The following DACH1 variants were observed in gnomAD, a reference collection of about 807,000 sequenced individuals.
The protein encoded by DACH1 is dachshund family transcription factor 1.
DACH1 carries 12 observed loss-of-function variants against 54.2 expected under a neutral mutation model. That is an observed-to-expected ratio of 0.22 (90% CI 0.14 to 0.36). The LOEUF (loss-of-function observed/expected upper bound fraction) is 0.36, where lower values mean the gene tolerates loss of function less well. Among genes scored for constraint, DACH1 ranks in the 10% least tolerant of loss-of-function variants. The probability of loss-of-function intolerance (pLI) is 1.00; values close to 1 mark genes in which losing one functional copy is unlikely to be tolerated. For missense variants in DACH1, 805 were observed against 929.8 expected (o/e 0.87, Z 1.75); for synonymous variants, 386 against 366.2 (o/e 1.05, Z -0.62).
intron 4 of DACH1, among the ~76,000 whole-genome samples, chr13:71,561,657 C>T (rs1884592053): frequency 6.6e-6 from 1 of 152,074 alleles, no homozygotes; most frequent in Non-Finnish European, 1.5e-5. Context: ...TACCCAGTTT[C>T]TGGTTCTTTG....
intron 2 of DACH1, among the ~76,000 whole-genome samples, chr13:71,663,160 T>TTG (rs142396087): frequency 0.076 from 11,388 of 150,540 alleles, 1,040 homozygotes; most frequent in African/African-American, 0.22. Context: ...GTGTATATGA[T>TTG]TGTGTGTGTG....
At chr13:71,590,676 A>G (rs1217045068) in intron 3 of DACH1, among the ~76,000 whole-genome samples, 2 of 152,128 alleles carry the variant, frequency 1.3e-5, no homozygotes, top group South Asian at 2.1e-4. Flanking sequence ...TCCTGCTAGG[A>G]CTGACATTTT....
At chr13:71,865,278 T>C (rs1220723859) in intron 1 of DACH1, among the ~76,000 whole-genome samples, 7 of 152,100 alleles carry the variant, frequency 4.6e-5, no homozygotes, top group African/African-American at 1.7e-4. Context: ...CCGGAGCCCA[T>C]CCCCCGGGAT....
chr13:71,837,965 G>A (rs1231362377), intron 1 of DACH1, among the ~76,000 whole-genome samples: 4 of 122,334 alleles, frequency 3.3e-5, no homozygotes, highest in Non-Finnish European at 4.8e-5. Context: ...GAGATCACAT[G>A]GACACAGGAA....
At chr13:71,465,360 C>T (rs531665741) in intron 10 of DACH1, among the ~76,000 whole-genome samples, 1 of 152,012 alleles carries the variant, frequency 6.6e-6, no homozygotes, top group East Asian at 1.9e-4. Flanking sequence ...TTTTATGACT[C>T]TTGAAGTATA....
At chr13:71,748,948 CTTTCTCTCTTTCTT>C (rs1429685810) in intron 1 of DACH1, among the ~76,000 whole-genome samples, 490 of 42,218 alleles carry the variant, frequency 0.012, 19 homozygotes, top group African/African-American at 0.022. Context: ...TTCTTTCTTT[CTTTCTCTCTTTCTT>C]TCTCTCTCTC....
At chr13:71,770,938 G>A (rs1313015944) in intron 1 of DACH1, among the ~76,000 whole-genome samples, 1 of 151,390 alleles carries the variant, frequency 6.6e-6, no homozygotes, top group Non-Finnish European at 1.5e-5. Context: ...CCCTGTACTA[G>A]GACTTACTAA....
chr13:71,462,707 A>G lies in DACH1; in HGVS notation c.2083+12434T>C, dbSNP rs146583643. 4.4e-3 allele frequency among the ~76,000 whole-genome samples: 674 copies of G among 152,092 alleles called. 4 individuals carry two copies. Among genetic ancestry groups the G allele is most frequent in the African/African-American group, 0.016 (653 of 41,540 alleles). ...TGTATTAATTCATTTAATCTTCATA[A>G]CAATTTCACAAATAAAATGTTATTA... is the stretch of plus-strand genomic sequence containing the variant. On this transcript the variant is annotated intron_variant, in intron 10 of 10. Transcript: ENST00000613252.
At chr13:71,679,982 T>C (rs1454439638) in intron 2 of DACH1, among the ~76,000 whole-genome samples, 1 of 151,872 alleles carries the variant, frequency 6.6e-6, no homozygotes, top group African/African-American at 2.4e-5. Flanking sequence ...AGTTAAGATT[T>C]TCATATGTAG....
rs192712262 is a variant in DACH1 at position 71,682,965 on chromosome 13, G to A, written c.849-1055C>T. 2.7e-3 allele frequency among the ~76,000 whole-genome samples: 407 copies of A among 152,158 alleles called. 4 individuals are homozygous for A. The highest frequency in any genetic ancestry group is 3.2e-3 in the Non-Finnish European group (218 of 67,986). On this transcript the variant is annotated intron_variant, in intron 1 of 10. Transcript: ENST00000613252. Reference sequence around the variant, plus strand: ...CTCCCATCATTTATTTGGCCAAAACGTGCCTAGATATTTCAAAACTAACAG... The same window carrying A: ...CTCCCATCATTTATTTGGCCAAAACATGCCTAGATATTTCAAAACTAACAG...
At chr13:71,703,572 T>A (rs1196000526) in intron 1 of DACH1, among the ~76,000 whole-genome samples, 1 of 152,230 alleles carries the variant, frequency 6.6e-6, no homozygotes, top group East Asian at 1.9e-4. Context: ...AATAACATAA[T>A]TATTTTTTGT....
At chr13:71,612,789 T>C (rs1033673225) in intron 3 of DACH1, among the ~76,000 whole-genome samples, 1 of 152,118 alleles carries the variant, frequency 6.6e-6, no homozygotes, top group African/African-American at 2.4e-5. Context: ...CAGCTTAAAA[T>C]GAAGGAAATA....
chr13:71,538,483 T>A (rs544200954), intron 6 of DACH1, among the ~76,000 whole-genome samples: 1 of 152,104 alleles, frequency 6.6e-6, no homozygotes, highest in East Asian at 1.9e-4. Flanking sequence ...ATATAAGAAT[T>A]CTGAGCAAGG....
At chr13:71,696,709 G>A (rs1021280200) in intron 1 of DACH1, among the ~76,000 whole-genome samples, 4 of 151,916 alleles carry the variant, frequency 2.6e-5, no homozygotes, top group Non-Finnish European at 4.4e-5. Flanking sequence ...CACCACACCC[G>A]ACTAATTTTG....
At chr13:71,554,130 A>C (rs958396728) in intron 6 of DACH1, among the ~76,000 whole-genome samples, 14 of 152,166 alleles carry the variant, frequency 9.2e-5, no homozygotes, top group Admixed American at 7.2e-4. Context: ...GCCCATGAAA[A>C]TTTTGTCATG....
chr13:71,790,212 T>C (rs1489484982), intron 1 of DACH1, among the ~76,000 whole-genome samples: 2 of 152,016 alleles, frequency 1.3e-5, no homozygotes, highest in East Asian at 1.9e-4. Context: ...GAAACAGACT[T>C]TTTTTTTCTT....
intron 1 of DACH1, among the ~76,000 whole-genome samples, chr13:71,840,745 T>C (rs763069714): frequency 1.3e-5 from 2 of 152,178 alleles, no homozygotes; most frequent in Non-Finnish European, 2.9e-5. Context: ...CAGTAAAGTA[T>C]GTAAAAAGAA....
chr13:71,814,084 G>T (rs1010221165), intron 1 of DACH1, among the ~76,000 whole-genome samples: 4 of 152,194 alleles, frequency 2.6e-5, no homozygotes, highest in African/African-American at 9.6e-5. Flanking sequence ...GGCCTTATCT[G>T]TTGGCAGAAA....
At chr13:71,473,376 A>C (rs1877251350) in intron 10 of DACH1, among the ~76,000 whole-genome samples, 1 of 152,188 alleles carries the variant, frequency 6.6e-6, no homozygotes, top group Admixed American at 6.5e-5. Flanking sequence ...CTCCACTGGT[A>C]AGATTCTGGA....
Sources: allele counts gnomAD v4.1 joint callset (sites outside exome capture counted in the v4.1 genomes callset), GRCh38; gene constraint gnomAD v4.1.1; transcripts MANE v1.5; gene names NCBI Gene and HGNC (gene_info 2026-07-23, HGNC 2026-07-21).